Variants in CCDC148 observed in about 807,000 individuals in gnomAD.
CCDC148 encodes the protein coiled-coil domain containing 148.
In CCDC148, 89 loss-of-function variants were observed where a neutral mutation model predicts 85.7. The observed-to-expected ratio is 1.04, with a 90% CI of 0.87 to 1.24. CCDC148 has a LOEUF of 1.24. Among genes scored for constraint, CCDC148 ranks in the 50% most tolerant of loss-of-function variants. CCDC148 has a pLI of 0.00. For missense variants in CCDC148, 692 were observed against 671.7 expected (o/e 1.03, Z -0.33); for synonymous variants, 230 against 213.9 (o/e 1.08, Z -0.66).
intron 1 of CCDC148, among the ~76,000 whole-genome samples, chr2:158,436,361 C>G (rs1031032469): frequency 6.6e-5 from 10 of 152,158 alleles, no homozygotes; most frequent in Admixed American, 3.3e-4. Flanking sequence ...ACTGAACAAC[C>G]TACTCCTGAA....
In CCDC148 at chr2:158,364,057, A is replaced by G. The variant is rs538439380; in HGVS notation, c.26-5487T>C. 9.6e-4 allele frequency among the ~76,000 whole-genome samples: 146 copies of G among 152,356 alleles called. 1 individual carries two copies. Among genetic ancestry groups the G allele is most frequent in the African/African-American group, 3.4e-3 (143 of 41,582 alleles). On this transcript the variant is annotated intron_variant, in intron 1 of 13. Coordinates refer to ENST00000283233, the MANE Select transcript of CCDC148 (RefSeq NM_138803.4). ...CCAAATCATGAGTGAACTCCCATTC[A>G]TAATTGCTACAAAGAGAATAAAATA...
intron 9 of CCDC148, among the ~76,000 whole-genome samples, chr2:158,282,808 C>A (rs1690395145): frequency 6.6e-6 from 1 of 152,078 alleles, no homozygotes; most frequent in Non-Finnish European, 1.5e-5. Context: ...CAAAAAAGAG[C>A]CCACATCGCC....
intron 10 of CCDC148, among the ~76,000 whole-genome samples, chr2:158,227,812 T>A (rs1456784591): frequency 6.6e-6 from 1 of 152,158 alleles, no homozygotes; most frequent in Non-Finnish European, 1.5e-5. Flanking sequence ...TAGTTCAAGA[T>A]TGATTAAAGA....
intron 1 of CCDC148, among the ~76,000 whole-genome samples, chr2:158,378,164 C>T (rs896364044): frequency 2.0e-5 from 3 of 152,076 alleles, no homozygotes; most frequent in Admixed American, 2.0e-4. Context: ...AAAAGGGCTA[C>T]TCCAGTAAAC....
chr2:158,421,919 C>T (rs1209931795), intron 1 of CCDC148, among the ~76,000 whole-genome samples: 1 of 152,056 alleles, frequency 6.6e-6, no homozygotes, highest in Non-Finnish European at 1.5e-5. Flanking sequence ...CACCACCGAT[C>T]CCACAGAAAT....
intron 9 of CCDC148, among the ~76,000 whole-genome samples, chr2:158,284,226 G>T (rs1009743826): frequency 6.6e-6 from 1 of 151,736 alleles, no homozygotes; most frequent in Non-Finnish European, 1.5e-5. Flanking sequence ...GTATACATAC[G>T]TAACTAACCT....
At chr2:158,335,055 G>A (rs1173791016) in intron 7 of CCDC148, among the ~76,000 whole-genome samples, 2 of 152,048 alleles carry the variant, frequency 1.3e-5, no homozygotes. Context: ...ACAATAATTG[G>A]ACCAATGGCC....
intron 7 of CCDC148, among the ~76,000 whole-genome samples, chr2:158,326,503 A>G (rs1242878591): frequency 2.6e-5 from 4 of 152,214 alleles, no homozygotes; most frequent in Admixed American, 6.6e-5. Context: ...AATGTTCAAT[A>G]AATATTTGTT....
chr2:158,234,322 T>C (rs1342215555), intron 10 of CCDC148, among the ~76,000 whole-genome samples: 1 of 152,192 alleles, frequency 6.6e-6, no homozygotes, highest in Non-Finnish European at 1.5e-5. Flanking sequence ...TGCCTGGTTA[T>C]TTGAACTTAA....
chr2:158,253,488 T>C (rs945422664), intron 9 of CCDC148, among the ~76,000 whole-genome samples: 4 of 151,628 alleles, frequency 2.6e-5, no homozygotes, highest in Non-Finnish European at 1.5e-5. Flanking sequence ...CATTTTTATC[T>C]CTCTTGTCTT....
intron 11 of CCDC148, among the ~76,000 whole-genome samples, chr2:158,200,181 T>G (rs1390682416): frequency 6.6e-6 from 1 of 152,162 alleles, no homozygotes; most frequent in East Asian, 1.9e-4. Context: ...CTGAAATTGG[T>G]TTTTACATCT....
chr2:158,397,386 G>A (rs965975766), intron 1 of CCDC148, among the ~76,000 whole-genome samples: 5 of 152,036 alleles, frequency 3.3e-5, no homozygotes, highest in Admixed American at 6.6e-5. Context: ...GAGAAACGTC[G>A]GGTTACCCAC....
chr2:158,338,614 T>C (rs1682509097), intron 7 of CCDC148, 112 bp downstream of exon 7: 16 of 730,490 alleles, frequency 2.2e-5, no homozygotes, highest in Admixed American at 3.4e-5. Context: ...CATTTATTGA[T>C]TGTATTCCAG....
chr2:158,385,395 A>G (rs1685045617), intron 1 of CCDC148, among the ~76,000 whole-genome samples: 1 of 152,176 alleles, frequency 6.6e-6, no homozygotes, highest in Non-Finnish European at 1.5e-5. Context: ...ATTATACTAC[A>G]CATACAAAGT....
chr2:158,211,122 C>G (rs182831321), intron 11 of CCDC148, among the ~76,000 whole-genome samples: 1 of 151,838 alleles, frequency 6.6e-6, no homozygotes, highest in South Asian at 2.1e-4. Context: ...CACCATGGCA[C>G]GTGTATACCT....
chr2:158,332,310 T>C (rs1015203025), intron 7 of CCDC148, among the ~76,000 whole-genome samples: 1 of 151,536 alleles, frequency 6.6e-6, no homozygotes, highest in Non-Finnish European at 1.5e-5. Flanking sequence ...AAAATTCTTT[T>C]CTTTAAGAAT....
In CCDC148 at chr2:158,438,427, G is replaced by C. The variant is rs1346277977; in HGVS notation, c.25+17988C>G. Among the ~76,000 whole-genome samples, 5 of 152,180 alleles carry C rather than the reference G, an allele frequency of 3.3e-5. No homozygotes were observed. The South Asian group carries it at 8.3e-4, about 25-fold the overall frequency. ...TGCAAAAACTGGCTAGCCATATGTA[G>C]AAAGCTGAAACTGGATCCCTTCCTT... On this transcript the variant is annotated intron_variant, in intron 1 of 13. Coordinates refer to ENST00000283233, the MANE Select transcript of CCDC148 (RefSeq NM_138803.4).
intron 9 of CCDC148, among the ~76,000 whole-genome samples, chr2:158,253,685 A>G (rs113275324): frequency 4.6e-5 from 7 of 151,660 alleles, no homozygotes; most frequent in Non-Finnish European, 1.0e-4. Context: ...AAGCCTGATA[A>G]ATAAGAAAAA....
In CCDC148 at chr2:158,295,404, G is replaced by A. The variant is rs564376167; in HGVS notation, c.1110+14029C>T. On this transcript the variant is annotated intron_variant, in intron 9 of 13. Transcript: ENST00000283233. Reference sequence around the variant, plus strand: ...CCAGCATCATCCTGGTACCAAAGCCGGGCAGAGACACAACAAAAAAAGAGA... The same window carrying A: ...CCAGCATCATCCTGGTACCAAAGCCAGGCAGAGACACAACAAAAAAAGAGA... 1.9e-3 allele frequency among the ~76,000 whole-genome samples: 291 copies of A among 152,140 alleles called. 1 individual carries two copies. Among genetic ancestry groups the A allele is most frequent in the African/African-American group, 6.1e-3 (255 of 41,520 alleles).
Sources: gnomAD v4.1 joint callset for allele counts (sites outside exome capture counted in the v4.1 genomes callset) on GRCh38, gnomAD v4.1.1 for gene constraint, MANE v1.5 for transcripts, NCBI Gene and HGNC (gene_info 2026-07-23, HGNC 2026-07-21) for gene names.